The following COL25A1 variants were observed in gnomAD, a reference collection of about 807,000 sequenced individuals.
COL25A1 encodes collagen type XXV alpha 1 chain, also known as collagen alpha-1(XXV) chain.
Under a neutral mutation model 128.4 loss-of-function variants are expected in COL25A1, and 103 were observed. The ratio of observed to expected loss-of-function variants is 0.80; its 90% CI spans 0.68 to 0.94. The LOEUF (loss-of-function observed/expected upper bound fraction) is 0.94. Ranked by LOEUF, COL25A1 falls within the 40% of genes least tolerant of loss-of-function variation. The pLI is 0.00. For synonymous variants in COL25A1, 279 were observed against 277.2 expected (o/e 1.01, Z -0.06); for missense variants, 745 against 840.0 (o/e 0.89, Z 1.40).
chr4:109,143,825 C>A (rs1770670257), intron 3 of COL25A1, among the ~76,000 whole-genome samples: 1 of 152,164 alleles, frequency 6.6e-6, no homozygotes, highest in Admixed American at 6.5e-5. Flanking sequence ...AGCTTCCTTG[C>A]ATTGGGTTAC....
intron 3 of COL25A1, among the ~76,000 whole-genome samples, chr4:109,292,415 T>A (rs768338298): frequency 6.6e-6 from 1 of 152,034 alleles, no homozygotes; most frequent in Admixed American, 6.6e-5. Flanking sequence ...TAGTAATGCA[T>A]GGAAAGAGAT....
chr4:108,901,172 C>G lies in COL25A1; in HGVS notation c.781G>C (p.Gly261Arg). The G allele has an allele frequency of 6.2e-7, 1 of 1,609,754 alleles. No homozygotes were observed. Among genetic ancestry groups the G allele is most frequent in the Non-Finnish European group, 8.5e-7 (1 of 1,176,814 alleles). The change falls in exon 14 of 38, where the codon GGT becomes CGT. Residue 261 changes from glycine (G) to arginine (R), a missense_variant and splice_region_variant. This residue lies in a region of COL25A1 where 39 missense variants were observed against 73.3 expected (regional missense o/e 0.53). Coordinates refer to ENST00000399132, the MANE Select transcript of COL25A1 (RefSeq NM_198721.4). ...ACTGCTCCAGGCAACCCGGGCTCAC[C>G]CTCAAAATAGAAAAATAGATACTAC... ...PGIPGMNGQK[G>R]EPGLPGAVGQ...
At chr4:108,936,164 C>T (rs1747377390) in intron 11 of COL25A1, among the ~76,000 whole-genome samples, 1 of 152,192 alleles carries the variant, frequency 6.6e-6, no homozygotes, top group Non-Finnish European at 1.5e-5. Flanking sequence ...GCTAATGCTG[C>T]ACTTGTATGC....
chr4:109,265,518 CGTGT>C (rs57643656), intron 3 of COL25A1, among the ~76,000 whole-genome samples: 18,398 of 129,434 alleles, frequency 0.14, 1,228 homozygotes, highest in African/African-American at 0.2. Flanking sequence ...AATAACAGTA[CGTGT>C]GTGTGTGTGT....
intron 3 of COL25A1, among the ~76,000 whole-genome samples, chr4:109,056,473 A>G (rs1261908898): frequency 2.0e-5 from 3 of 152,200 alleles, no homozygotes; most frequent in Non-Finnish European, 4.4e-5. Flanking sequence ...TGAAATATTT[A>G]ATTTTATGAA....
intron 31 of COL25A1, among the ~76,000 whole-genome samples, chr4:108,835,598 A>T (rs1733682723): frequency 6.6e-6 from 1 of 151,764 alleles, no homozygotes; most frequent in Admixed American, 6.6e-5. Flanking sequence ...CTTGTTGCCC[A>T]GGCTGAAGTG....
At chr4:109,076,900 T>C (rs1763428555) in intron 3 of COL25A1, among the ~76,000 whole-genome samples, 1 of 152,120 alleles carries the variant, frequency 6.6e-6, no homozygotes, top group Non-Finnish European at 1.5e-5. Flanking sequence ...GAGGTGGCGC[T>C]CAGGCAGTAA....
At chr4:108,823,739 ATCAAC>A (rs1434279705) in intron 35 of COL25A1, 3 of 268,472 alleles carry the variant, frequency 1.1e-5, no homozygotes, top group African/African-American at 7.0e-5. Context: ...TATAAAAAAT[ATCAAC>A]GTACAAAACA....
intron 10 of COL25A1, among the ~76,000 whole-genome samples, chr4:108,938,808 G>T (rs1355271135): frequency 5.3e-5 from 8 of 151,830 alleles, no homozygotes; most frequent in African/African-American, 7.3e-5. Context: ...AGTGAGCGGA[G>T]ATCACACCAC....
intron 5 of COL25A1, among the ~76,000 whole-genome samples, chr4:109,036,948 C>T (rs1002978570): frequency 6.6e-6 from 1 of 152,146 alleles, no homozygotes; most frequent in East Asian, 1.9e-4. Context: ...AATTAAGAGA[C>T]AAAGTATGTG....
At position 109,056,618 on chromosome 4, in the gene COL25A1, C is replaced by T. The variant is rs145940149; in HGVS notation, c.368-6439G>A. On this transcript the variant is annotated intron_variant, in intron 3 of 37. Transcript: ENST00000399132. The stretch of plus-strand genomic sequence containing the variant: ...AATGAACATAAAACACAATAAAGCC[C>T]ATGGAAGGTACAAAAAGATTAAAAA... Among the ~76,000 whole-genome samples, 136 of 143,778 alleles carry T rather than the reference C, an allele frequency of 9.5e-4. 1 individual carries two copies. Among genetic ancestry groups the T allele is most frequent in the African/African-American group, 3.6e-3 (132 of 37,112 alleles). 94.3% of individuals were successfully genotyped at this position (143,778 alleles called of 152,430 possible). A position where few individuals can be genotyped will look rare whatever the true frequency, so the allele number is the denominator to read the frequency against.
At chr4:108,860,765 A>G (rs1737109452) in intron 23 of COL25A1, among the ~76,000 whole-genome samples, 162 bp downstream of exon 23, 1 of 152,182 alleles carries the variant, frequency 6.6e-6, no homozygotes, top group African/African-American at 2.4e-5. Context: ...GGTGAGGAAA[A>G]TAAAGGAGGT....
chr4:109,161,431 T>C (rs1203431090), intron 3 of COL25A1, among the ~76,000 whole-genome samples: 1 of 152,224 alleles, frequency 6.6e-6, no homozygotes, highest in Non-Finnish European at 1.5e-5. Flanking sequence ...AAATCTGTTC[T>C]TTCTTTCTTA....
chr4:108,899,994 T>C (rs1040191754), intron 14 of COL25A1, among the ~76,000 whole-genome samples: 2 of 152,146 alleles, frequency 1.3e-5, no homozygotes, highest in East Asian at 3.9e-4. Flanking sequence ...CTTGAGTGAA[T>C]GTTGCCATAA....
rs191570691 is a variant in COL25A1 at position 109,260,179 on chromosome 4, A to G, written c.367+40404T>C. 1.4e-4 allele frequency among the ~76,000 whole-genome samples: 21 copies of G among 152,328 alleles called. No homozygotes were observed. The East Asian group carries it at 3.5e-3, about 25-fold the overall frequency. On this transcript the variant is annotated intron_variant, in intron 3 of 37. Coordinates refer to ENST00000399132, the MANE Select transcript of COL25A1 (RefSeq NM_198721.4). ...CGATGTTTTCTTTGCCAGATATCAT[A>G]TTGTAAGTTCTTTGAAGTATCTTTT...
chr4:108,869,408 G>C (rs1738428404), intron 19 of COL25A1, among the ~76,000 whole-genome samples: 1 of 152,096 alleles, frequency 6.6e-6, no homozygotes, highest in Admixed American at 6.6e-5. Flanking sequence ...CCTGAGTCGG[G>C]GGGAGGGGAT....
intron 3 of COL25A1, among the ~76,000 whole-genome samples, chr4:109,071,616 C>A (rs528908861): frequency 6.6e-6 from 1 of 152,142 alleles, no homozygotes; most frequent in Non-Finnish European, 1.5e-5. Context: ...AAACAAACAA[C>A]CCCATCAAAA....
chr4:109,084,173 T>C (rs1439459191), intron 3 of COL25A1, among the ~76,000 whole-genome samples: 1 of 152,134 alleles, frequency 6.6e-6, no homozygotes, highest in Non-Finnish European at 1.5e-5. Flanking sequence ...ACTGTATTAA[T>C]TTGTCCCATC....
intron 3 of COL25A1, among the ~76,000 whole-genome samples, chr4:109,190,623 A>C (rs1775530113): frequency 6.6e-6 from 1 of 152,212 alleles, no homozygotes; most frequent in Non-Finnish European, 1.5e-5. Context: ...GATATAATGG[A>C]AACATTTTAT....
Sources: gnomAD v4.1 joint callset for allele counts (sites outside exome capture counted in the v4.1 genomes callset) on GRCh38, gnomAD v4.1.1 for gene constraint, gnomAD v4.1.1 regional missense constraint, MANE v1.5 for transcripts, NCBI Gene and HGNC (gene_info 2026-07-23, HGNC 2026-07-21) for gene names.